TULP4: variants seen among roughly 807,000 people sequenced by gnomAD.
The protein encoded by TULP4 is tubby-related protein 4.
A neutral mutation model predicts 129.0 loss-of-function variants in TULP4; 16 were observed. That is an observed-to-expected ratio of 0.12 (90% CI 0.08 to 0.19). TULP4 has a LOEUF of 0.19. Ranked by LOEUF, TULP4 falls within the 10% of genes least tolerant of loss-of-function variation. TULP4 has a pLI of 1.00. For synonymous variants in TULP4, 998 were observed against 854.0 expected (o/e 1.17, Z -2.94); for missense variants, 1,842 against 2,059.1 (o/e 0.89, Z 2.04).
In TULP4 at chr6:158,461,626, C is replaced by T. The variant is rs569710000; in HGVS notation, c.923C>T (p.Thr308Ile). Residue 308 changes from threonine (T) to isoleucine (I), a missense_variant, in exon 6 of 14, where the codon ACC (threonine) becomes ATC (isoleucine). Physicochemically the swap from Thr to Ile is moderately conservative, Grantham distance 89. Transcript: ENST00000367097. ...LLAVAGMERQTQLGELPNGPL... is the reference protein window; with the variant it reads ...LLAVAGMERQIQLGELPNGPL... ...GCAGTCGCTGGGATGGAACGGCAGA[C>T]CCAGCTTGGTGAGCTTCCCAATGGT... 9.9e-6 allele frequency: 16 copies of T among 1,613,880 alleles called. No homozygotes were observed. In the Admixed American group the frequency reaches 1.2e-4, roughly 12 times the overall value.
intron 1 of TULP4, chr6:158,242,285 T>TGTG: frequency 6.4e-7 from 1 of 1,556,538 alleles, no homozygotes; most frequent in Non-Finnish European, 8.8e-7. Context: ...CATGCAGTGT[T>TGTG]TAGCACAGCT....
chr6:158,397,014 G>A (rs1777732708), intron 1 of TULP4, among the ~76,000 whole-genome samples: 1 of 152,174 alleles, frequency 6.6e-6, no homozygotes, highest in South Asian at 2.1e-4. Flanking sequence ...AGGTGAGAAG[G>A]TTTGCTCAGC....
At chr6:158,475,554 A>T (rs979781468) in intron 6 of TULP4, among the ~76,000 whole-genome samples, 1 of 152,196 alleles carries the variant, frequency 6.6e-6, no homozygotes, top group African/African-American at 2.4e-5. Flanking sequence ...GTTCAAACAC[A>T]ACGTGAATCT....
intron 1 of TULP4, among the ~76,000 whole-genome samples, chr6:158,273,324 C>G (rs1003975169): frequency 6.6e-6 from 1 of 151,876 alleles, no homozygotes; most frequent in East Asian, 2.0e-4. Flanking sequence ...TCACCCTCCT[C>G]TGCTGGCTCC....
intron 1 of TULP4, among the ~76,000 whole-genome samples, chr6:158,393,091 C>T (rs1562547916): frequency 6.6e-6 from 1 of 151,860 alleles, no homozygotes; most frequent in Non-Finnish European, 1.5e-5. Flanking sequence ...TTGGCCAAAA[C>T]AAAGGGGCTA....
intron 1 of TULP4, among the ~76,000 whole-genome samples, chr6:158,357,019 C>G (rs1156678124): frequency 1.3e-5 from 2 of 152,180 alleles, no homozygotes; most frequent in Non-Finnish European, 2.9e-5. Context: ...ATAATAGTGG[C>G]TGACATTTTC....
chr6:158,401,321 G>C (rs2114979355), intron 1 of TULP4, among the ~76,000 whole-genome samples: 1 of 152,250 alleles, frequency 6.6e-6, no homozygotes, highest in African/African-American at 2.4e-5. Flanking sequence ...CGAGCTGTCA[G>C]CCTCGGCCTC....
At chr6:158,442,746 A>G (rs770544840) in intron 3 of TULP4, among the ~76,000 whole-genome samples, 4 of 152,092 alleles carry the variant, frequency 2.6e-5, no homozygotes, top group African/African-American at 9.7e-5. Context: ...TCTATCCCCA[A>G]GCTGACCAGA....
chr6:158,454,757 C>T (rs1474879886), intron 5 of TULP4, among the ~76,000 whole-genome samples: 2 of 152,106 alleles, frequency 1.3e-5, no homozygotes, highest in Non-Finnish European at 2.9e-5. Context: ...AGGCGCATGC[C>T]ACCACGCCTG....
chr6:158,354,887 C>CAA (rs1453196414), intron 1 of TULP4, among the ~76,000 whole-genome samples: 5,156 of 107,792 alleles, frequency 0.048, 250 homozygotes, highest in African/African-American at 0.11. Flanking sequence ...GACCCCATCT[C>CAA]AAAAAAAAAA....
In TULP4 at chr6:158,240,700, A is replaced by AC. The variant is rs544909622; in HGVS notation, n.68+8405dup. Among the ~76,000 whole-genome samples, 86 of 52,914 alleles carry AC rather than the reference A, an allele frequency of 1.6e-3. 5 individuals carry two copies. The highest frequency in any genetic ancestry group is 3.4e-3 in the African/African-American group (66 of 19,502). 34.7% of individuals were successfully genotyped at this position (52,914 alleles called of 152,430 possible). On this transcript the variant is annotated intron_variant and non_coding_transcript_variant, in intron 1 of 1. Coordinates refer to the TULP4 transcript ENST00000620026. ...GGGCAGCTGGCCAGGCGGGGGGCTG[A>AC]CCCCCCCCACCTCCCTCCCGGACGG...
intron 1 of TULP4, among the ~76,000 whole-genome samples, chr6:158,343,520 C>T (rs1461199177): frequency 2.0e-5 from 3 of 152,042 alleles, no homozygotes; most frequent in Non-Finnish European, 2.9e-5. Flanking sequence ...GGAGCCATCA[C>T]GAATGGCCTT....
chr6:158,457,692 T>C (rs1027075341), intron 5 of TULP4, among the ~76,000 whole-genome samples: 2 of 152,200 alleles, frequency 1.3e-5, no homozygotes, highest in African/African-American at 4.8e-5. Flanking sequence ...TGCCTTGAAA[T>C]TAAAAGCTCC....
intron 1 of TULP4, among the ~76,000 whole-genome samples, chr6:158,286,898 A>G (rs1018849946): frequency 4.6e-5 from 7 of 152,260 alleles, no homozygotes; most frequent in South Asian, 4.1e-4. Context: ...GTAATTTCCC[A>G]CTTGAGTTCA....
At position 158,504,035 on chromosome 6, in the gene TULP4, C is replaced by G; in HGVS notation, c.4372C>G (p.Leu1458Val). Reference sequence around the variant, plus strand: ...GGCCAGTGAGAAGGAGGACGGGCGGCTGGGCAGCCAAGGCTTCGTGTACGT... The same window carrying G: ...GGCCAGTGAGAAGGAGGACGGGCGGGTGGGCAGCCAAGGCTTCGTGTACGT... ...RRASEKEDGR[L>V]GSQGFVYVMA... The change falls in exon 13 of 14, where the codon CTG (leucine) becomes GTG (valine). Residue 1458 changes from leucine to valine, a missense_variant. Leu to Val is a conservative substitution (Grantham distance 32). Coordinates refer to ENST00000367097, the MANE Select transcript of TULP4 (RefSeq NM_020245.5). The G allele has an allele frequency of 6.2e-7, 1 of 1,610,714 alleles. No individual in the cohort carries two copies. The highest frequency in any genetic ancestry group is 1.1e-5 in the South Asian group (1 of 90,730).
chr6:158,471,155 A>C (rs1165505304), intron 6 of TULP4, among the ~76,000 whole-genome samples: 1 of 152,228 alleles, frequency 6.6e-6, no homozygotes. Flanking sequence ...AAGGATTTTT[A>C]AGTACAGGAG....
At chr6:158,318,899 ATTTTTTTTTT>A (rs56898948) in intron 1 of TULP4, among the ~76,000 whole-genome samples, 529 of 136,880 alleles carry the variant, frequency 3.9e-3, no homozygotes, top group Admixed American at 3.6e-3. Context: ...CTAGTTACAA[ATTTTTTTTTT>A]TTTTTTTTTT....
rs770740499 is a variant in TULP4 at position 158,454,019 on chromosome 6, C to CTCCT, written c.859+1751_859+1752insTCCT. Among the ~76,000 whole-genome samples, 5 of 66,156 alleles carry CTCCT rather than the reference C, an allele frequency of 7.6e-5. No individual in the cohort carries two copies. The East Asian group carries it at 2.0e-3, about 26-fold the overall frequency. The allele number at this position is 66,156 out of a possible 152,430, so 43.4% of individuals were successfully genotyped here. ...GGCAAGAATCATACCTGCCTCTGCACCGCCCCCCCCCAAGTAATTACTCTA... is the reference window on the plus strand; with the variant it reads ...GGCAAGAATCATACCTGCCTCTGCACTCCTCGCCCCCCCCCAAGTAATTACTCTA... On this transcript the variant is annotated intron_variant, in intron 5 of 13. Coordinates refer to ENST00000367097, the MANE Select transcript of TULP4 (RefSeq NM_020245.5).
intron 1 of TULP4, among the ~76,000 whole-genome samples, chr6:158,268,377 A>T (rs9364889): frequency 0.33 from 49,687 of 151,726 alleles, 9,066 homozygotes; most frequent in Admixed American, 0.45. Context: ...GGAGAGGGAT[A>T]AGGTAAACAG....
Sources: gnomAD v4.1 joint callset for allele counts (sites outside exome capture counted in the v4.1 genomes callset) on GRCh38, gnomAD v4.1.1 for gene constraint, MANE v1.5 for transcripts, NCBI Gene and HGNC (gene_info 2026-07-23, HGNC 2026-07-21) for gene names.